Variants in ACO2 observed in about 807,000 individuals in gnomAD.
ACO2 encodes the protein aconitase 2, also known as aconitate hydratase, mitochondrial.
A neutral mutation model predicts 84.5 loss-of-function variants in ACO2; 31 were observed. The observed-to-expected ratio is 0.37, with a 90% CI of 0.28 to 0.50. The LOEUF is 0.50. Among genes scored for constraint, ACO2 ranks in the 20% least tolerant of loss-of-function variants. The pLI is 0.97. For missense variants in ACO2, 685 were observed against 1,029.3 expected (o/e 0.67, Z 4.58); for synonymous variants, 414 against 412.7 (o/e 1.00, Z -0.04).
intron 3 of ACO2, 65 bp from the exon 4 acceptor site, chr22:41,511,811 C>T (rs894861168): frequency 3.1e-6 from 4 of 1,270,366 alleles, no homozygotes; most frequent in Non-Finnish European, 4.4e-6. Flanking sequence ...GTGGGGAGGG[C>T]TTGGTGAGGG....
intron 1 of ACO2, among the ~76,000 whole-genome samples, chr22:41,470,352 C>G (rs1414591979): frequency 1.3e-5 from 2 of 152,076 alleles, no homozygotes; most frequent in Non-Finnish European, 2.9e-5. Context: ...GCTTGTGGTA[C>G]TTGAACTTAT....
At chr22:41,479,449 C>T (rs1044773625) in intron 1 of ACO2, among the ~76,000 whole-genome samples, 5 of 152,208 alleles carry the variant, frequency 3.3e-5, no homozygotes, top group African/African-American at 1.2e-4. Flanking sequence ...GGTTAAATAG[C>T]TCCTCTGAGG....
chr22:41,487,956 C>G (rs2066242784), intron 1 of ACO2, among the ~76,000 whole-genome samples: 1 of 152,168 alleles, frequency 6.6e-6, no homozygotes, highest in Non-Finnish European at 1.5e-5. Context: ...GCAAATCCTA[C>G]TATTATTACC....
chr22:41,511,723 G>C (rs2066434160), intron 3 of ACO2, among the ~76,000 whole-genome samples, 153 bp from the exon 4 acceptor site: 1 of 152,216 alleles, frequency 6.6e-6, no homozygotes. Context: ...AAGCTCTTTG[G>C]AATTATTTTT....
chr22:41,496,919 AT>A (rs1298876992), intron 1 of ACO2, among the ~76,000 whole-genome samples: 1 of 152,064 alleles, frequency 6.6e-6, no homozygotes, highest in African/African-American at 2.4e-5. Context: ...AGGTGCTGAG[AT>A]TGACAGCGTT....
chr22:41,478,125 C>T (rs559113694), intron 1 of ACO2, among the ~76,000 whole-genome samples: 2 of 152,162 alleles, frequency 1.3e-5, no homozygotes, highest in African/African-American at 4.8e-5. Context: ...CCCCAGATAG[C>T]AGGTAAGTGG....
At chr22:41,470,599 A>G (rs562770383) in intron 1 of ACO2, among the ~76,000 whole-genome samples, 2 of 138,390 alleles carry the variant, frequency 1.4e-5, no homozygotes, top group East Asian at 4.1e-4. Flanking sequence ...CTGGAGTGCA[A>G]TGGCGCAATC....
At chr22:41,474,635 G>A (rs2037988873) in intron 1 of ACO2, among the ~76,000 whole-genome samples, 1 of 100,542 alleles carries the variant, frequency 9.9e-6, no homozygotes, top group African/African-American at 4.0e-5. Flanking sequence ...GTCTCACTCT[G>A]TCACCCAGGC....
chr22:41,487,819 G>A (rs1255261801), intron 1 of ACO2, among the ~76,000 whole-genome samples: 2 of 152,066 alleles, frequency 1.3e-5, no homozygotes, highest in African/African-American at 4.8e-5. Flanking sequence ...TGATCTCACC[G>A]TGCATGCCTG....
At chr22:41,518,413 G>A in intron 7 of ACO2, 68 bp from the exon 8 acceptor site, 2 of 1,237,132 alleles carry the variant, frequency 1.6e-6, no homozygotes, top group Non-Finnish European at 2.4e-6. Context: ...GCTCAGGTGG[G>A]TGGTGAGTGA....
rs1481637014 is a variant in ACO2 at position 41,514,233 on chromosome 22, C to T, written c.526-1144C>T. Among the ~76,000 whole-genome samples, 2 of 152,164 alleles carry T rather than the reference C, an allele frequency of 1.3e-5. 1 individual carries two copies. Among genetic ancestry groups the T allele is most frequent in the South Asian group, 4.1e-4 (2 of 4,822 alleles). ...TGGTGGGTCCTGAGAGTTCACAGAG[C>T]CTGTCACACCTCTCATGTGTTCTTC... On this transcript the variant is annotated intron_variant, in intron 4 of 17. Coordinates refer to ENST00000216254, the MANE Select transcript of ACO2 (RefSeq NM_001098.3).
At chr22:41,527,772 T>G (rs964952899) in intron 16 of ACO2, 129 bp from the exon 17 acceptor site, 3 of 1,482,320 alleles carry the variant, frequency 2.0e-6, no homozygotes, top group Admixed American at 3.9e-5. Flanking sequence ...CAGGGCCCCA[T>G]AGTCACTGCC....
chr22:41,525,491 A>G (rs998321291), intron 14 of ACO2, 143 bp downstream of exon 14: 37 of 1,088,246 alleles, frequency 3.4e-5, no homozygotes, highest in Middle Eastern at 6.1e-4. Context: ...GCTGCAGAGC[A>G]GAGAGGGTAT....
At chr22:41,518,649 C>T (rs981357655) in intron 8 of ACO2, 77 bp downstream of exon 8, 1 of 1,161,976 alleles carries the variant, frequency 8.6e-7, no homozygotes, top group Non-Finnish European at 1.3e-6. Flanking sequence ...TAAATACTCA[C>T]TGAGGGCCGG....
chr22:41,514,765 G>A (rs932154002), intron 4 of ACO2, among the ~76,000 whole-genome samples: 1 of 152,234 alleles, frequency 6.6e-6, no homozygotes, highest in Non-Finnish European at 1.5e-5. Context: ...TGTGAAATGG[G>A]ACAGGTGATG....
intron 1 of ACO2, among the ~76,000 whole-genome samples, chr22:41,475,308 G>A (rs752541659): frequency 9.2e-5 from 14 of 151,668 alleles, no homozygotes; most frequent in Non-Finnish European, 1.9e-4. Flanking sequence ...TAGTAGCTGG[G>A]ACTAGAGGCA....
Position 41,486,712 on chromosome 22 carries a change from C to T in ACO2, c.37-13014C>T, listed in dbSNP as rs377165420. 5.3e-5 allele frequency among the ~76,000 whole-genome samples: 8 copies of T among 151,908 alleles called. No individual in the cohort carries two copies. The East Asian group carries it at 5.9e-4, about 11-fold the overall frequency. On this transcript the variant is annotated intron_variant, in intron 1 of 17. Coordinates refer to ENST00000216254, the MANE Select transcript of ACO2 (RefSeq NM_001098.3). ...GTCTCGATCTCCTGACGTTGTGATC[C>T]GCTCGCCTCGGCCTCCCAAAGTGCT...
intron 1 of ACO2, among the ~76,000 whole-genome samples, chr22:41,476,830 A>G (rs1481772357): frequency 6.6e-6 from 1 of 152,076 alleles, no homozygotes; most frequent in Non-Finnish European, 1.5e-5. Flanking sequence ...CTTGTAGAAT[A>G]TCTTCATTTT....
chr22:41,511,008 G>C (rs531147984), intron 3 of ACO2, among the ~76,000 whole-genome samples: 1 of 152,118 alleles, frequency 6.6e-6, no homozygotes, highest in Admixed American at 6.5e-5. Context: ...AGCCTCTGGG[G>C]TTTTTGTTTT....
Sources: allele counts gnomAD v4.1 joint callset (sites outside exome capture counted in the v4.1 genomes callset), GRCh38; gene constraint gnomAD v4.1.1; transcripts MANE v1.5; gene names NCBI Gene and HGNC (gene_info 2026-07-23, HGNC 2026-07-21).